Variants in TGM6 observed in about 807,000 individuals in gnomAD.
TGM6 encodes the protein protein-glutamine gamma-glutamyltransferase 6.
Under a neutral mutation model 77.5 loss-of-function variants are expected in TGM6, and 74 were observed. The ratio of observed to expected loss-of-function variants is 0.96; its 90% CI spans 0.79 to 1.16. The LOEUF (loss-of-function observed/expected upper bound fraction) is 1.16. TGM6 is among the 50% of genes most tolerant of loss of function. The probability of loss-of-function intolerance (pLI) is 0.00; values close to 1 mark genes in which losing one functional copy is unlikely to be tolerated. For missense variants in TGM6, 968 were observed against 940.2 expected, an observed-to-expected ratio of 1.03 and a Z score of -0.39; for synonymous variants, 383 against 378.9, an observed-to-expected ratio of 1.01 and a Z score of -0.12.
At chr20:2,411,309 G>C (rs1335847964) in intron 9 of TGM6, among the ~76,000 whole-genome samples, 1 of 152,120 alleles carries the variant, frequency 6.6e-6, no homozygotes, top group African/African-American at 2.4e-5. Flanking sequence ...ATGAGCAAGT[G>C]GGATTTATCC....
At position 2,382,503 on chromosome 20, in the gene TGM6, A is replaced by G. The variant is rs75114886; in HGVS notation, c.7+1528A>G. 8.7e-3 allele frequency among the ~76,000 whole-genome samples: 1,319 copies of G among 152,316 alleles called. 24 individuals are homozygous for G. The highest frequency in any genetic ancestry group is 0.029 in the African/African-American group (1,198 of 41,572). On this transcript the variant is annotated intron_variant, in intron 1 of 12. Coordinates refer to ENST00000202625, the MANE Select transcript of TGM6 (RefSeq NM_198994.3). ...AGGAAAAAAGTTGATGATGATGCCC[A>G]TTGTCAGGTCTGTAACTAACTTGCT...
chr20:2,415,994 C>G (rs1393629827), intron 9 of TGM6, among the ~76,000 whole-genome samples: 3 of 152,066 alleles, frequency 2.0e-5, no homozygotes, highest in Non-Finnish European at 4.4e-5. Context: ...GAGTGCGTTC[C>G]CTCTAGGGGG....
chr20:2,404,952 A>T (rs185386758), intron 9 of TGM6, among the ~76,000 whole-genome samples: 1 of 152,284 alleles, frequency 6.6e-6, no homozygotes, highest in African/African-American at 2.4e-5. Flanking sequence ...CTTGTTGCAC[A>T]TTTGAATTAT....
chr20:2,430,147 G>T (rs2084915014), intron 10 of TGM6, among the ~76,000 whole-genome samples: 1 of 152,044 alleles, frequency 6.6e-6, no homozygotes, highest in Non-Finnish European at 1.5e-5. Context: ...GGAAAGCTTG[G>T]AAACATCTCT....
At chr20:2,426,608 A>T (rs1366466903) in intron 10 of TGM6, among the ~76,000 whole-genome samples, 3 of 152,188 alleles carry the variant, frequency 2.0e-5, no homozygotes, top group Non-Finnish European at 4.4e-5. Context: ...ATCATGGGAA[A>T]GCTTCCAGTT....
intron 9 of TGM6, among the ~76,000 whole-genome samples, chr20:2,409,082 A>G (rs570962636): frequency 5.8e-4 from 88 of 152,344 alleles, no homozygotes; most frequent in African/African-American, 2.0e-3. Context: ...ATGCTCAGCC[A>G]TAAAATAAGC....
intron 9 of TGM6, among the ~76,000 whole-genome samples, chr20:2,416,292 A>G (rs1420269929): frequency 6.6e-6 from 1 of 152,226 alleles, no homozygotes; most frequent in Non-Finnish European, 1.5e-5. Flanking sequence ...ACAGTGTGAC[A>G]TTGGCATAAG....
At chr20:2,393,081 C>T (rs1350675368) in intron 1 of TGM6, among the ~76,000 whole-genome samples, 3 of 152,216 alleles carry the variant, frequency 2.0e-5, no homozygotes, top group Non-Finnish European at 4.4e-5. Context: ...AGAGATTATA[C>T]AGTCCATCCT....
At chr20:2,384,815 G>A (rs2084583286) in intron 1 of TGM6, among the ~76,000 whole-genome samples, 1 of 152,198 alleles carries the variant, frequency 6.6e-6, no homozygotes, top group African/African-American at 2.4e-5. Flanking sequence ...GTAACAGGCA[G>A]GTGGAGGGAG....
At chr20:2,430,200 G>A (rs1408111549) in intron 10 of TGM6, among the ~76,000 whole-genome samples, 4 of 152,170 alleles carry the variant, frequency 2.6e-5, no homozygotes, top group Non-Finnish European at 5.9e-5. Flanking sequence ...GTAGCTCCCT[G>A]ACCTAAATTT....
In TGM6 at chr20:2,384,571, C is replaced by T. The variant is rs573745688; in HGVS notation, c.7+3596C>T. On this transcript the variant is annotated intron_variant, in intron 1 of 12. Transcript: ENST00000202625. ...ATGTGAATTATTTCACTTAATCCTC[C>T]CAACGTGAGGAAGCGGGTATGATCA... Among the ~76,000 whole-genome samples, 5 of 152,222 alleles carry T rather than the reference C, an allele frequency of 3.3e-5. No homozygotes were observed. In the South Asian group the frequency reaches 1.0e-3, roughly 32 times the overall value.
intron 5 of TGM6, 58 bp downstream of exon 5, chr20:2,398,104 C>T (rs1418523333): frequency 2.6e-5 from 42 of 1,613,420 alleles, no homozygotes; most frequent in Non-Finnish European, 3.0e-5. Flanking sequence ...CAGCCAACCC[C>T]GGGGCCACAA....
At chr20:2,410,633 T>A (rs1034267535) in intron 9 of TGM6, among the ~76,000 whole-genome samples, 1 of 152,172 alleles carries the variant, frequency 6.6e-6, no homozygotes, top group Non-Finnish European at 1.5e-5. Context: ...CTTGTGGGAC[T>A]GAGCCCTTCA....
intron 1 of TGM6, among the ~76,000 whole-genome samples, chr20:2,394,011 T>C (rs6036342): frequency 0.048 from 7,376 of 152,106 alleles, 609 homozygotes; most frequent in African/African-American, 0.17. Context: ...ACCAAGAGGC[T>C]GGGCAAGGTG....
intron 9 of TGM6, among the ~76,000 whole-genome samples, chr20:2,416,700 TGA>T (rs2084818692): frequency 6.6e-6 from 1 of 152,204 alleles, no homozygotes; most frequent in South Asian, 2.1e-4. Context: ...AATCTAGTCC[TGA>T]GTTTGAGCCC....
intron 10 of TGM6, among the ~76,000 whole-genome samples, chr20:2,418,046 T>C (rs1307546121): frequency 6.6e-6 from 1 of 152,062 alleles, no homozygotes; most frequent in Non-Finnish European, 1.5e-5. Context: ...AGAGTCTCAC[T>C]CTGTCACCCA....
chr20:2,432,017 T>A (rs1213690302), intron 12 of TGM6, among the ~76,000 whole-genome samples: 1 of 151,986 alleles, frequency 6.6e-6, no homozygotes, highest in Non-Finnish European at 1.5e-5. Flanking sequence ...GAAGAGAAAA[T>A]TAAATTGGAA....
Position 2,410,071 on chromosome 20 carries a change from T to C in TGM6, c.1336+6248T>C, listed in dbSNP as rs147187628. ...TCTTCAGAATGAGAAGAGCATCAGC[T>C]ATATAGCACATTAGTGAGATGACTA... On this transcript the variant is annotated intron_variant, in intron 9 of 12. Coordinates refer to ENST00000202625, the MANE Select transcript of TGM6 (RefSeq NM_198994.3). 8.1e-3 allele frequency among the ~76,000 whole-genome samples: 1,230 copies of C among 152,280 alleles called. 6 individuals carry two copies. Among genetic ancestry groups the C allele is most frequent in the Non-Finnish European group, 0.011 (757 of 68,030 alleles).
intron 1 of TGM6, among the ~76,000 whole-genome samples, chr20:2,387,721 C>A (rs2084605305): frequency 6.6e-6 from 1 of 152,192 alleles, no homozygotes; most frequent in Non-Finnish European, 1.5e-5. Flanking sequence ...TAGCAAACTG[C>A]CCCAGCACTT....
Sources: gnomAD v4.1 joint callset for allele counts (sites outside exome capture counted in the v4.1 genomes callset) on GRCh38, gnomAD v4.1.1 for gene constraint, MANE v1.5 for transcripts, NCBI Gene and HGNC (gene_info 2026-07-23, HGNC 2026-07-21) for gene names.